The following SLC9A4 variants were observed in gnomAD, a reference collection of about 807,000 sequenced individuals.
The protein encoded by SLC9A4 is solute carrier family 9 member A4.
SLC9A4 carries 63 observed loss-of-function variants against 67.4 expected under a neutral mutation model. That is an observed-to-expected ratio of 0.93 (90% CI 0.76 to 1.15). The LOEUF is 1.15. SLC9A4 is among the 50% of genes most tolerant of loss of function. The pLI is 0.00. For missense variants in SLC9A4, 1,089 were observed against 987.7 expected (o/e 1.10, Z -1.38); for synonymous variants, 393 against 367.2 (o/e 1.07, Z -0.80).
rs780812176 is a variant in SLC9A4, at chr2:102,525,094, G to A, written c.1889G>A (p.Arg630His). 60 of 1,613,850 alleles carry A rather than the reference G, an allele frequency of 3.7e-5. No individual in the cohort carries two copies. Among genetic ancestry groups the A allele is most frequent in the South Asian group, 6.6e-5 (6 of 91,062 alleles). Reference protein sequence around the residue: ...SEKQAKEILIRRQNTLRESMR... With the variant: ...SEKQAKEILIHRQNTLRESMR... ...AAGCAGGCTAAAGAGATTCTGATCC[G>A]CCGCCAGAACACCTTAAGGGAGAGC... The change falls in exon 10 of 12, where the codon CGC (arginine) becomes CAC (histidine). Residue 630 changes from arginine (R) to histidine (H), a missense_variant. Physicochemically the swap from Arg to His is conservative, Grantham distance 29. Transcript: ENST00000295269.
intron 2 of SLC9A4, among the ~76,000 whole-genome samples, chr2:102,483,691 C>T (rs1684514846): frequency 6.6e-6 from 1 of 151,508 alleles, no homozygotes. Flanking sequence ...GGAGACAAAA[C>T]CCAGATAGCT....
intron 2 of SLC9A4, among the ~76,000 whole-genome samples, chr2:102,493,924 T>C (rs1389675073): frequency 6.6e-6 from 1 of 151,868 alleles, no homozygotes; most frequent in Non-Finnish European, 1.5e-5. Flanking sequence ...GACAGACTTC[T>C]TGAGGGTCTG....
At chr2:102,490,317 A>T (rs1161898661) in intron 2 of SLC9A4, among the ~76,000 whole-genome samples, 1 of 152,170 alleles carries the variant, frequency 6.6e-6, no homozygotes, top group Non-Finnish European at 1.5e-5. Context: ...AATATGAAAG[A>T]CTTTTATTCT....
chr2:102,485,474 G>T lies in SLC9A4; in HGVS notation c.720+6172G>T, dbSNP rs1309786657. ...CTATATCTCCTGATCCCTCATGCTAGAATTCCTTTGCCGTCTTCTCTTCTC... is the reference window on the plus strand; with the variant it reads ...CTATATCTCCTGATCCCTCATGCTATAATTCCTTTGCCGTCTTCTCTTCTC... On this transcript the variant is annotated intron_variant, in intron 2 of 11. Coordinates refer to ENST00000295269, the MANE Select transcript of SLC9A4 (RefSeq NM_001011552.4). Among the ~76,000 whole-genome samples, 3 of 152,214 alleles carry T rather than the reference G, an allele frequency of 2.0e-5. No homozygotes were observed. In the South Asian group the frequency reaches 6.2e-4, roughly 32 times the overall value.
intron 2 of SLC9A4, among the ~76,000 whole-genome samples, chr2:102,482,540 G>A (rs1047961604): frequency 3.1e-4 from 47 of 151,948 alleles, no homozygotes; most frequent in African/African-American, 1.1e-3. Context: ...AGTAAGTGTC[G>A]TTGTCTGGGA....
chr2:102,507,074 A>G (rs549989203), intron 4 of SLC9A4, among the ~76,000 whole-genome samples: 2 of 152,298 alleles, frequency 1.3e-5, no homozygotes, highest in East Asian at 1.9e-4. Context: ...TAACCCTTAC[A>G]TTCACATTCT....
At chr2:102,508,704 AT>A in intron 5 of SLC9A4, 142 bp from the exon 6 acceptor site, 1 of 610,552 alleles carries the variant, frequency 1.6e-6, no homozygotes, top group African/African-American at 1.9e-5. Flanking sequence ...GAAAACTGAA[AT>A]GAACATTGCA....
rs1262312980 is a variant in SLC9A4 at position 102,533,614 on chromosome 2, G to C, written c.*926G>C. 2 of 150,194 alleles carry C rather than the reference G, an allele frequency of 1.3e-5. No homozygotes were observed. Among genetic ancestry groups the C allele is most frequent in the African/African-American group, 4.9e-5 (2 of 40,720 alleles). 9.3% of individuals were successfully genotyped at this position (150,194 alleles called of 1,614,324 possible). A position where few individuals can be genotyped will look rare whatever the true frequency, so the allele number is the denominator to read the frequency against. On this transcript the variant is annotated 3_prime_UTR_variant, in exon 12 of 12. Transcript: ENST00000295269. ...CCCGCTAACTCGTCATCTAGCATTAGGTGTATCTCCCAATGCTATCCCTCC... is the reference window on the plus strand; with the variant it reads ...CCCGCTAACTCGTCATCTAGCATTACGTGTATCTCCCAATGCTATCCCTCC...
intron 2 of SLC9A4, among the ~76,000 whole-genome samples, chr2:102,487,178 GGTGT>G (rs55756786): frequency 1.7e-4 from 26 of 149,192 alleles, no homozygotes; most frequent in Middle Eastern, 3.5e-3. Context: ...GCTCACAGCT[GGTGT>G]GTGTGTGTGT....
intron 5 of SLC9A4, among the ~76,000 whole-genome samples, chr2:102,508,610 A>C (rs1283158007): frequency 2.0e-5 from 3 of 152,232 alleles, no homozygotes; most frequent in East Asian, 1.9e-4. Context: ...GAACTAATGA[A>C]AGATTATTTT....
At chr2:102,528,350 C>T (rs796183802) in intron 11 of SLC9A4, among the ~76,000 whole-genome samples, 6 of 151,804 alleles carry the variant, frequency 4.0e-5, no homozygotes, top group African/African-American at 1.4e-4. Flanking sequence ...TACAAATAAC[C>T]TGGCACTATT....
intron 1 of SLC9A4, among the ~76,000 whole-genome samples, chr2:102,476,304 T>C (rs1684331258): frequency 6.6e-6 from 1 of 152,258 alleles, no homozygotes; most frequent in Non-Finnish European, 1.5e-5. Context: ...GGGCGTTCTT[T>C]GACTTTCAGA....
At chr2:102,508,789 C>G in intron 5 of SLC9A4, 58 bp from the exon 6 acceptor site, 1 of 1,338,168 alleles carries the variant, frequency 7.5e-7, no homozygotes, top group Non-Finnish European at 1.0e-6. Context: ...TAAATTTGCT[C>G]TCTCTAGTGA....
intron 4 of SLC9A4, 54 bp from the exon 5 acceptor site, chr2:102,508,023 CTG>C: frequency 6.4e-7 from 1 of 1,558,106 alleles, no homozygotes; most frequent in South Asian, 1.1e-5. Context: ...TTCACTAGCT[CTG>C]TATCTCTGCT....
chr2:102,488,558 T>C lies in SLC9A4; in HGVS notation c.720+9256T>C, dbSNP rs1397135634. Among the ~76,000 whole-genome samples the C allele has an allele frequency of 4.0e-5, 6 of 151,408 alleles. 1 individual carries two copies. The South Asian group carries it at 1.1e-3, about 27-fold the overall frequency. ...CATGAAATCTAATTCCTTTTTTTTT[T>C]TTTTTTTTGAGACGGAGTCTCGCTC... On this transcript the variant is annotated intron_variant, in intron 2 of 11. Transcript: ENST00000295269.
rs768345188 is a variant in SLC9A4 at position 102,473,791 on chromosome 2, C to A, written c.32C>A (p.Pro11His). The A allele has an allele frequency of 6.2e-7, 1 of 1,614,008 alleles. No homozygotes were observed. The highest frequency in any genetic ancestry group is 2.2e-5 in the East Asian group (1 of 44,888). Reference sequence around the variant, plus strand: ...CTGCAGATGTTCGTGACTTACAGTCCTTGGAATTGTTTGCTACTGCTAGTG... The same window carrying A: ...CTGCAGATGTTCGTGACTTACAGTCATTGGAATTGTTTGCTACTGCTAGTG... MALQMFVTYS[P>H]WNCLLLLVAL... Residue 11 changes from proline (P) to histidine (H), a missense_variant, in exon 1 of 12, where the codon CCT (proline) becomes CAT (histidine). Physicochemically the swap from Pro to His is moderately conservative, Grantham distance 77 (BLOSUM62 -2). Coordinates refer to ENST00000295269, the MANE Select transcript of SLC9A4 (RefSeq NM_001011552.4).
intron 11 of SLC9A4, among the ~76,000 whole-genome samples, chr2:102,528,441 T>A (rs3849366): frequency 0.64 from 96,713 of 150,904 alleles, 31,128 homozygotes; most frequent in Middle Eastern, 0.72. Flanking sequence ...TAGAAAAAAA[T>A]CTTAAAAAGG....
intron 2 of SLC9A4, among the ~76,000 whole-genome samples, chr2:102,484,309 T>C (rs1222245760): frequency 6.6e-6 from 1 of 151,942 alleles, no homozygotes; most frequent in Non-Finnish European, 1.5e-5. Flanking sequence ...CAACTGGGAG[T>C]GACAAGAGAG....
At chr2:102,499,574 T>C (rs898464877) in intron 2 of SLC9A4, among the ~76,000 whole-genome samples, 1 of 152,126 alleles carries the variant, frequency 6.6e-6, no homozygotes, top group African/African-American at 2.4e-5. Flanking sequence ...GTGTGTCTGT[T>C]GTGTGTGTCT....
Sources: allele counts gnomAD v4.1 joint callset (sites outside exome capture counted in the v4.1 genomes callset), GRCh38; gene constraint gnomAD v4.1.1; transcripts MANE v1.5; gene names NCBI Gene and HGNC (gene_info 2026-07-23, HGNC 2026-07-21).